The following RGS6 variants were observed in gnomAD, a reference collection of about 807,000 sequenced individuals.
The protein encoded by RGS6 is regulator of G-protein signaling 6.
Under a neutral mutation model 78.5 loss-of-function variants are expected in RGS6, and 30 were observed. The ratio of observed to expected loss-of-function variants is 0.38; its 90% CI spans 0.29 to 0.52. RGS6 has a LOEUF of 0.52. RGS6 is among the 20% of genes least tolerant of loss of function. The pLI, the probability that RGS6 is intolerant of heterozygous loss-of-function variation, is 0.85. For missense variants in RGS6, 495 were observed against 609.7 expected (o/e 0.81, Z 1.98); for synonymous variants, 206 against 206.0 (o/e 1.00, Z 0.00).
the RGS6 span, among the ~76,000 whole-genome samples, chr14:71,919,822 C>A: frequency 0.33 from 50,070 of 151,708 alleles, 9,341 homozygotes; most frequent in East Asian, 0.43. Context: ...GGTGAAACTC[C>A]ATCTCTACTA....
intron 3 of RGS6, chr14:72,421,133 G>T (rs976950479): frequency 6.6e-6 from 1 of 151,728 alleles, no homozygotes. Flanking sequence ...AACTTGGAGA[G>T]GATCTCTTTT....
intron 2 of RGS6, among the ~76,000 whole-genome samples, chr14:72,174,678 T>G (rs1186832444): frequency 2.6e-5 from 4 of 152,080 alleles, no homozygotes; most frequent in Non-Finnish European, 5.9e-5. Flanking sequence ...TTTTTTCACC[T>G]CCTGCAAGCT....
intron 2 of RGS6, among the ~76,000 whole-genome samples, chr14:72,176,250 A>T (rs1040065953): frequency 6.6e-6 from 1 of 152,182 alleles, no homozygotes; most frequent in African/African-American, 2.4e-5. Flanking sequence ...ACATTTGTGG[A>T]ACCCAAGAAA....
chr14:72,147,231 C>T (rs973575015), intron 2 of RGS6, among the ~76,000 whole-genome samples: 2 of 152,226 alleles, frequency 1.3e-5, no homozygotes, highest in African/African-American at 2.4e-5. Context: ...CCAGCCTCTA[C>T]CTATTACTAA....
chr14:72,338,520 A>G (rs2076438626), intron 2 of RGS6, among the ~76,000 whole-genome samples: 1 of 152,246 alleles, frequency 6.6e-6, no homozygotes, highest in East Asian at 1.9e-4. Flanking sequence ...ACACTTCAAG[A>G]TAAGATTTGG....
chr14:71,948,592 C>A (rs1595065531), intron 1 of RGS6, among the ~76,000 whole-genome samples: 1 of 152,130 alleles, frequency 6.6e-6, no homozygotes, highest in Admixed American at 6.5e-5. Context: ...AATTTTCAAG[C>A]AGTAAACACA....
chr14:72,619,431 GC>G, the RGS6 span: 1 of 1,494,332 alleles, frequency 6.7e-7, no homozygotes, highest in Non-Finnish European at 9.0e-7. Context: ...CACCCCACTG[GC>G]CCTAACTTCT....
intron 2 of RGS6, among the ~76,000 whole-genome samples, chr14:72,226,384 G>A (rs1461997499): frequency 6.6e-6 from 1 of 152,156 alleles, no homozygotes; most frequent in African/African-American, 2.4e-5. Context: ...TATATGAGAT[G>A]AAAAATATGA....
intron 2 of RGS6, among the ~76,000 whole-genome samples, chr14:72,157,193 T>C (rs959104107): frequency 1.3e-5 from 2 of 152,202 alleles, no homozygotes; most frequent in Non-Finnish European, 2.9e-5. Flanking sequence ...TTGAACATTG[T>C]GCCTCAGCAG....
intron 11 of RGS6, 99 bp from the exon 12 acceptor site, chr14:72,478,169 A>G (rs1322661517): frequency 2.5e-6 from 2 of 812,162 alleles, no homozygotes; most frequent in Middle Eastern, 2.2e-4. Flanking sequence ...CAGAGGAGGT[A>G]TTTGGATCTT....
intron 2 of RGS6, among the ~76,000 whole-genome samples, chr14:72,276,748 T>C (rs1351159717): frequency 6.6e-6 from 1 of 152,212 alleles, no homozygotes; most frequent in Non-Finnish European, 1.5e-5. Context: ...TCCACCATGA[T>C]TGTCAGGCCT....
At chr14:72,095,282 G>A (rs2239264) in intron 2 of RGS6, among the ~76,000 whole-genome samples, 113,251 of 151,816 alleles carry the variant, frequency 0.75, 42,707 homozygotes, top group Admixed American at 0.8. Flanking sequence ...GGTGGTTTTA[G>A]CAAGTAGGTT....
chr14:72,202,270 T>A (rs1259419702), intron 2 of RGS6, among the ~76,000 whole-genome samples: 2 of 152,192 alleles, frequency 1.3e-5, no homozygotes, highest in African/African-American at 4.8e-5. Context: ...GCATCAACCC[T>A]ACTGCACAGT....
At chr14:71,896,231 A>G in the RGS6 span, among the ~76,000 whole-genome samples, 1 of 152,200 alleles carries the variant, frequency 6.6e-6, no homozygotes, top group South Asian at 2.1e-4. Context: ...TTATCAGGAA[A>G]GTAAAGGAAT....
At chr14:72,098,368 C>T (rs554282498) in intron 2 of RGS6, among the ~76,000 whole-genome samples, 18 of 152,320 alleles carry the variant, frequency 1.2e-4, no homozygotes, top group African/African-American at 3.8e-4. Context: ...GGGGTGAAGT[C>T]GTGTGGACAT....
At chr14:72,014,885 A>G (rs556771593) in intron 2 of RGS6, among the ~76,000 whole-genome samples, 54 of 152,204 alleles carry the variant, frequency 3.5e-4, no homozygotes, top group African/African-American at 1.2e-3. Context: ...ACTTCTGCCA[A>G]TGTTGCCATG....
At chr14:72,506,404 T>C (rs115675032) in intron 13 of RGS6, among the ~76,000 whole-genome samples, 98 of 152,360 alleles carry the variant, frequency 6.4e-4, no homozygotes, top group African/African-American at 2.3e-3. Flanking sequence ...TTGTACCACT[T>C]ACCTGGAGAT....
chr14:72,254,395 C>CG (rs1349857190), intron 2 of RGS6, among the ~76,000 whole-genome samples: 1 of 152,104 alleles, frequency 6.6e-6, no homozygotes, highest in Non-Finnish European at 1.5e-5. Context: ...GCCTCTTGTG[C>CG]GATGGTTGGC....
the RGS6 span, among the ~76,000 whole-genome samples, chr14:72,605,939 T>C: frequency 2.6e-5 from 4 of 152,046 alleles, no homozygotes; most frequent in Admixed American, 6.5e-5. Flanking sequence ...GAACCACCAA[T>C]AGAAGACACA....
Sources: allele counts gnomAD v4.1 joint callset (sites outside exome capture counted in the v4.1 genomes callset), GRCh38; gene constraint gnomAD v4.1.1; transcripts MANE v1.5; gene names NCBI Gene and HGNC (gene_info 2026-07-23, HGNC 2026-07-21).